The following STX8 variants were observed in gnomAD, a reference collection of about 807,000 sequenced individuals.
STX8 encodes the protein syntaxin 8.
Under a neutral mutation model 37.5 loss-of-function variants are expected in STX8, and 23 were observed. The ratio of observed to expected loss-of-function variants is 0.61; its 90% CI spans 0.44 to 0.87. The LOEUF is 0.87. STX8 is among the 40% of genes least tolerant of loss of function. STX8 has a pLI of 0.00. For synonymous variants in STX8, 115 were observed against 99.1 expected, an observed-to-expected ratio of 1.16 and a Z score of -0.95; for missense variants, 313 against 284.7, an observed-to-expected ratio of 1.10 and a Z score of -0.71.
chr17:9,382,576 C>G (rs140781291), intron 6 of STX8, among the ~76,000 whole-genome samples: 1 of 152,260 alleles, frequency 6.6e-6, no homozygotes. Flanking sequence ...TGCTATCCCT[C>G]CCCCAGCAAG....
chr17:9,402,473 C>A (rs1912658479), intron 6 of STX8, among the ~76,000 whole-genome samples: 1 of 152,100 alleles, frequency 6.6e-6, no homozygotes, highest in South Asian at 2.1e-4. Context: ...TATTCCAACA[C>A]TGCTGCTTGC....
At chr17:9,530,981 TTTC>T (rs1158821440) in intron 4 of STX8, among the ~76,000 whole-genome samples, 3 of 152,268 alleles carry the variant, frequency 2.0e-5, no homozygotes, top group Non-Finnish European at 2.9e-5. Context: ...TTTGGAATTA[TTTC>T]TTATGTAGGG....
chr17:9,459,917 ATGC>A (rs1328466970), intron 6 of STX8, among the ~76,000 whole-genome samples: 3 of 152,208 alleles, frequency 2.0e-5, no homozygotes, highest in African/African-American at 7.2e-5. Flanking sequence ...ATCTAGAAGG[ATGC>A]TGCAGCTTTG....
Position 9,402,098 on chromosome 17 carries a change from GTTTATTTA to G in STX8, c.542-23453_542-23446del, listed in dbSNP as rs59077711. Among the ~76,000 whole-genome samples the G allele has an allele frequency of 3.2e-3, 483 of 150,608 alleles. 3 individuals carry two copies. The highest frequency in any genetic ancestry group is 0.011 in the African/African-American group (448 of 40,942). ...ACGTTTTCAATAGCCCTTGTATTTT[GTTTATTTA>G]TTTATTTATTTATTTATTATTATTT... is the stretch of plus-strand genomic sequence containing the variant. On this transcript the variant is annotated intron_variant, in intron 6 of 7. Coordinates refer to ENST00000306357, the MANE Select transcript of STX8 (RefSeq NM_004853.3).
chr17:9,448,947 A>T (rs573179159), intron 6 of STX8, among the ~76,000 whole-genome samples: 1 of 152,296 alleles, frequency 6.6e-6, no homozygotes, highest in African/African-American at 2.4e-5. Flanking sequence ...ATATTACTGC[A>T]ATCTTTTTTA....
At chr17:9,274,313 C>T (rs1244126178) in intron 7 of STX8, among the ~76,000 whole-genome samples, 1 of 151,888 alleles carries the variant, frequency 6.6e-6, no homozygotes, top group African/African-American at 2.4e-5. Flanking sequence ...TAACTTCCTG[C>T]AGTAAAAAAA....
intron 2 of STX8, among the ~76,000 whole-genome samples, chr17:9,560,313 G>C (rs1424885929): frequency 6.9e-6 from 1 of 144,142 alleles, no homozygotes; most frequent in Non-Finnish European, 1.5e-5. Flanking sequence ...CAGGAGAATG[G>C]CTTGAACCCA....
At chr17:9,305,139 C>T (rs1908931999) in intron 7 of STX8, among the ~76,000 whole-genome samples, 1 of 151,988 alleles carries the variant, frequency 6.6e-6, no homozygotes, top group African/African-American at 2.4e-5. Context: ...TGTTGCCAGG[C>T]TGGAGTGCAG....
chr17:9,404,349 T>C (rs58704899), intron 6 of STX8, among the ~76,000 whole-genome samples: 33,840 of 152,120 alleles, frequency 0.22, 4,199 homozygotes, highest in South Asian at 0.39. Flanking sequence ...TCTTTGCTTT[T>C]TCATTTCTCT....
chr17:9,505,215 C>A (rs2142500079), intron 4 of STX8, 53 bp from the exon 5 acceptor site: 1 of 1,564,854 alleles, frequency 6.4e-7, no homozygotes, highest in Admixed American at 1.9e-5. Flanking sequence ...AGCTCAAATG[C>A]AAATTACTCC....
chr17:9,454,502 C>A (rs1241494171), intron 6 of STX8, among the ~76,000 whole-genome samples: 1 of 151,530 alleles, frequency 6.6e-6, no homozygotes, highest in African/African-American at 2.4e-5. Flanking sequence ...CACAGTGAAA[C>A]CCCATCTCTA....
chr17:9,369,356 A>G (rs919390629), intron 7 of STX8, among the ~76,000 whole-genome samples: 2 of 152,228 alleles, frequency 1.3e-5, no homozygotes, highest in African/African-American at 4.8e-5. Context: ...ATGAACCATG[A>G]TAAGGGAAAG....
Position 9,327,168 on chromosome 17 carries a change from AAAG to A in STX8, c.643+51381_643+51383del, listed in dbSNP as rs1190108807. ...GCTAAACTCTGTCTCAAAAAAAAAA[AAAG>A]AAGAAGAAGAAGGAAGAAGAAGGAA... On this transcript the variant is annotated intron_variant, in intron 7 of 7. Transcript: ENST00000306357. 7.3e-3 allele frequency among the ~76,000 whole-genome samples: 1,101 copies of A among 151,094 alleles called. 13 individuals carry two copies. Among genetic ancestry groups the A allele is most frequent in the African/African-American group, 0.022 (899 of 40,902 alleles).
chr17:9,467,051 C>A (rs146115485), intron 6 of STX8: 2 of 151,994 alleles, frequency 1.3e-5, no homozygotes, highest in African/African-American at 2.4e-5. Flanking sequence ...TCACCACGCC[C>A]GGCTAATTTT....
At chr17:9,441,207 T>G (rs1416707640) in intron 6 of STX8, among the ~76,000 whole-genome samples, 3 of 151,856 alleles carry the variant, frequency 2.0e-5, no homozygotes, top group Non-Finnish European at 2.9e-5. Context: ...TTTAGTCAAA[T>G]ACGGCTGGGC....
chr17:9,402,620 A>C (rs1170036297), intron 6 of STX8, among the ~76,000 whole-genome samples: 1 of 152,164 alleles, frequency 6.6e-6, no homozygotes, highest in Non-Finnish European at 1.5e-5. Flanking sequence ...AAAATGTATC[A>C]AGAGACCGAC....
chr17:9,518,901 T>C (rs186896756), intron 4 of STX8, among the ~76,000 whole-genome samples: 2 of 150,142 alleles, frequency 1.3e-5, no homozygotes, highest in South Asian at 4.2e-4. Context: ...ATGCTAGCAA[T>C]GCTTAAAGAC....
intron 6 of STX8, among the ~76,000 whole-genome samples, chr17:9,489,881 G>C (rs1472126219): frequency 2.0e-5 from 3 of 151,898 alleles, no homozygotes; most frequent in African/African-American, 7.3e-5. Flanking sequence ...GTAGAGACAG[G>C]GTTTCACCAT....
intron 6 of STX8, among the ~76,000 whole-genome samples, chr17:9,445,840 CTT>C (rs59109965): frequency 4.6e-5 from 6 of 130,514 alleles, no homozygotes; most frequent in Non-Finnish European, 6.3e-5. Context: ...CTTTTTTTCT[CTT>C]TTTTTTTTTT....
Sources: gnomAD v4.1 joint callset for allele counts (sites outside exome capture counted in the v4.1 genomes callset) on GRCh38, gnomAD v4.1.1 for gene constraint, MANE v1.5 for transcripts, NCBI Gene and HGNC (gene_info 2026-07-23, HGNC 2026-07-21) for gene names.